CXADR: variants seen among roughly 807,000 people sequenced by gnomAD.
The protein encoded by CXADR is coxsackievirus and adenovirus receptor.
Under a neutral mutation model 40.3 loss-of-function variants are expected in CXADR, and 20 were observed. The ratio of observed to expected loss-of-function variants is 0.50; its 90% CI spans 0.35 to 0.72. CXADR has a LOEUF of 0.72. Among genes scored for constraint, CXADR ranks in the 30% least tolerant of loss-of-function variants. The probability of loss-of-function intolerance (pLI) is 0.01; values close to 1 mark genes in which losing one functional copy is unlikely to be tolerated. For synonymous variants in CXADR, 150 were observed against 161.3 expected (o/e 0.93, Z 0.53); for missense variants, 332 against 449.1 (o/e 0.74, Z 2.36).
At chr21:17,601,554 T>G in the CXADR span, among the ~76,000 whole-genome samples, 6 of 152,246 alleles carry the variant, frequency 3.9e-5, 1 homozygote, top group South Asian at 1.2e-3. Context: ...AAAAAATAAA[T>G]TCCTAAACAA....
chr21:17,558,924 A>G, intron 3 of CXADR, 52 bp from the exon 4 acceptor site: 2 of 1,548,680 alleles, frequency 1.3e-6, no homozygotes, highest in Non-Finnish European at 1.7e-6. Flanking sequence ...CTGTATTCAT[A>G]AAAGTAAGTT....
chr21:17,624,415 C>T, the CXADR span, among the ~76,000 whole-genome samples: 9 of 152,144 alleles, frequency 5.9e-5, no homozygotes, highest in East Asian at 5.8e-4. Flanking sequence ...GTCCCTGTTT[C>T]GTCACTGGTG....
At position 17,565,606 on chromosome 21, in the gene CXADR, G is replaced by C. The variant is rs1489388142; in HGVS notation, c.1012G>C (p.Ala338Pro). 1 of 1,612,680 alleles carries C rather than the reference G, an allele frequency of 6.2e-7. No homozygotes were observed. The highest frequency in any genetic ancestry group is 8.5e-7 in the Non-Finnish European group (1 of 1,179,846). The change falls in exon 7 of 7, where the codon GCT becomes CCT. Residue 338 changes from alanine (A) to proline (P), a missense_variant. Transcript: ENST00000284878. ...RTPQSPTLPP[A>P]KVAAPNLSRM... ...TCCTCAGAGTCCGACTCTCCCACCT[G>C]CTAAGGTAGCTGCCCCTAATCTAAG...
At chr21:17,605,449 CAGAT>C in the CXADR span, among the ~76,000 whole-genome samples, 2 of 152,178 alleles carry the variant, frequency 1.3e-5, no homozygotes, top group Non-Finnish European at 2.9e-5. Context: ...TTTTATATCT[CAGAT>C]AGTAAAGTGG....
At position 17,569,725 on chromosome 21, in the gene CXADR, T is replaced by C. The variant is rs577776095; in HGVS notation, c.*4033T>C. 23 of 966,282 alleles carry C rather than the reference T, an allele frequency of 2.4e-5. No individual in the cohort carries two copies. The highest frequency in any genetic ancestry group is 2.6e-5 in the Non-Finnish European group (21 of 812,676). The allele number at this position is 966,282 out of a possible 1,614,324, so 59.9% of individuals were successfully genotyped here. On this transcript the variant is annotated 3_prime_UTR_variant, in exon 7 of 7. Coordinates refer to ENST00000284878, the MANE Select transcript of CXADR (RefSeq NM_001338.5). The stretch of plus-strand genomic sequence containing the variant: ...TATCTTATTTTATAATTTAAGAATA[T>C]AGTACATATCAGTTGGGTTTGGTTT...
intron 1 of CXADR, among the ~76,000 whole-genome samples, chr21:17,534,549 T>C (rs1185747862): frequency 1.3e-5 from 2 of 152,134 alleles, no homozygotes; most frequent in Non-Finnish European, 2.9e-5. Context: ...AGGCAAAGGT[T>C]GGAGTTAGGG....
intron 1 of CXADR, among the ~76,000 whole-genome samples, chr21:17,525,066 G>C (rs1350211431): frequency 6.6e-6 from 1 of 152,122 alleles, no homozygotes; most frequent in African/African-American, 2.4e-5. Flanking sequence ...GGAGATAATA[G>C]TAACAATATT....
intron 7 of CXADR, among the ~76,000 whole-genome samples, chr21:17,576,370 A>G (rs929172036): frequency 6.6e-6 from 1 of 152,174 alleles, no homozygotes; most frequent in African/African-American, 2.4e-5. Context: ...CCTTTACCTC[A>G]TGAATAAAAT....
chr21:17,614,925 G>C, the CXADR span, among the ~76,000 whole-genome samples: 5 of 152,200 alleles, frequency 3.3e-5, no homozygotes, highest in East Asian at 9.7e-4. Flanking sequence ...CTCTTTCCTT[G>C]TGAGTTGGAA....
chr21:17,552,026 A>G (rs1190831007), intron 3 of CXADR, 73 bp downstream of exon 3: 1 of 1,134,116 alleles, frequency 8.8e-7, no homozygotes, highest in African/African-American at 1.6e-5. Flanking sequence ...TAGTAGCAGC[A>G]CTTGTATAAA....
At chr21:17,519,913 C>T (rs1352442090) in intron 1 of CXADR, among the ~76,000 whole-genome samples, 5 of 151,904 alleles carry the variant, frequency 3.3e-5, no homozygotes, top group African/African-American at 7.3e-5. Context: ...GAGCTGAGAT[C>T]GCGCCACTGC....
downstream of CXADR, among the ~76,000 whole-genome samples, chr21:17,573,359 C>T (rs546074904): frequency 9.2e-5 from 14 of 152,042 alleles, no homozygotes; most frequent in African/African-American, 2.7e-4. Flanking sequence ...CACCTCAACC[C>T]GTAACAGTAA....
intron 2 of CXADR, among the ~76,000 whole-genome samples, chr21:17,549,110 G>C: frequency 6.6e-6 from 1 of 152,210 alleles, no homozygotes; most frequent in Middle Eastern, 3.2e-3. Context: ...TGTAAACAGC[G>C]TGCTTGGGCA....
intron 3 of CXADR, among the ~76,000 whole-genome samples, chr21:17,557,978 A>G (rs897734104): frequency 6.6e-6 from 1 of 152,214 alleles, no homozygotes; most frequent in African/African-American, 2.4e-5. Context: ...AGAGTATGCA[A>G]TGCCAAGGTG....
At chr21:17,595,517 T>G (rs1387969115), downstream of CXADR, among the ~76,000 whole-genome samples, 1 of 152,010 alleles carries the variant, frequency 6.6e-6, no homozygotes, top group Admixed American at 6.6e-5. Context: ...AAAATATATA[T>G]GTATACTGGA....
chr21:17,552,791 A>G (rs2060985959), intron 3 of CXADR, among the ~76,000 whole-genome samples: 1 of 152,230 alleles, frequency 6.6e-6, no homozygotes, highest in Non-Finnish European at 1.5e-5. Flanking sequence ...AGAATTGTCT[A>G]GCATGACTGG....
At chr21:17,528,635 C>T (rs1235360904) in intron 1 of CXADR, among the ~76,000 whole-genome samples, 3 of 151,902 alleles carry the variant, frequency 2.0e-5, no homozygotes, top group East Asian at 3.9e-4. Flanking sequence ...CTTGAACTCC[C>T]GATCTCAGGT....
chr21:17,542,055 T>C (rs990238314), intron 1 of CXADR: 4 of 358,452 alleles, frequency 1.1e-5, no homozygotes, highest in African/African-American at 8.9e-5. Context: ...GATTTTTTAA[T>C]AAGATTTTTA....
chr21:17,524,887 C>T (rs932277769), intron 1 of CXADR, among the ~76,000 whole-genome samples: 3 of 152,042 alleles, frequency 2.0e-5, no homozygotes, highest in Non-Finnish European at 2.9e-5. Context: ...CCAGCCTGGG[C>T]GACAGAGTGA....
Sources: allele counts gnomAD v4.1 joint callset (sites outside exome capture counted in the v4.1 genomes callset), GRCh38; gene constraint gnomAD v4.1.1; transcripts MANE v1.5; gene names NCBI Gene and HGNC (gene_info 2026-07-23, HGNC 2026-07-21).